Variants in SNED1 observed in about 807,000 individuals in gnomAD.
SNED1 encodes the protein sushi, nidogen and EGF-like domain-containing protein 1.
In SNED1, 81 loss-of-function variants were observed where a neutral mutation model predicts 166.7. The ratio of observed to expected loss-of-function variants is 0.49; its 90% CI spans 0.41 to 0.58. The LOEUF (loss-of-function observed/expected upper bound fraction) is 0.58, where lower values mean the gene tolerates loss of function less well. Among genes scored for constraint, SNED1 ranks in the 20% least tolerant of loss-of-function variants. The pLI is 0.00. For missense variants in SNED1, 1,604 were observed against 2,000.2 expected (o/e 0.80, Z 3.78); for synonymous variants, 762 against 822.0 (o/e 0.93, Z 1.25).
At chr2:241,035,001 C>G (rs909527983) in intron 4 of SNED1, among the ~76,000 whole-genome samples, 8 of 150,976 alleles carry the variant, frequency 5.3e-5, no homozygotes, top group African/African-American at 2.0e-4. Context: ...CCCGCACACA[C>G]ACTGCTGTGG....
intron 29 of SNED1, among the ~76,000 whole-genome samples, chr2:241,085,880 T>TC (rs1301198487): frequency 6.8e-5 from 10 of 146,266 alleles, no homozygotes; most frequent in African/African-American, 2.3e-4. Context: ...TTTTTTTTTT[T>TC]TTTTGAGACA....
intron 31 of SNED1, chr2:241,090,593 C>A: frequency 1.0e-6 from 1 of 972,570 alleles, no homozygotes; most frequent in Non-Finnish European, 1.4e-6. Context: ...CCAGCATCAC[C>A]ACAAACACAA....
At position 241,033,867 on chromosome 2, in the gene SNED1, G is replaced by A. The variant is rs543403516; in HGVS notation, c.634G>A (p.Ala212Thr). The change falls in exon 3 of 32, where the codon GCA (alanine) becomes ACA (threonine). Residue 212 changes from alanine (A) to threonine (T), a missense_variant. By Grantham distance (58) the Ala-to-Thr change is moderately conservative (BLOSUM62 0). Transcript: ENST00000310397. ...GGNATGLGGI[A>T]AQAGFNAGDG... Reference sequence around the variant, plus strand: ...CAACGCCACTGGCCTCGGGGGCATCGCAGCCCAGGTAGGCGAGTGCAGTCG... The same window carrying A: ...CAACGCCACTGGCCTCGGGGGCATCACAGCCCAGGTAGGCGAGTGCAGTCG... 25 of 1,601,884 alleles carry A rather than the reference G, an allele frequency of 1.6e-5. No individual in the cohort carries two copies. The highest frequency in any genetic ancestry group is 5.6e-5 in the South Asian group (5 of 88,810).
At chr2:241,040,651 T>A (rs2061498024) in intron 8 of SNED1, among the ~76,000 whole-genome samples, 1 of 152,182 alleles carries the variant, frequency 6.6e-6, no homozygotes. Context: ...TCCAGGGTGC[T>A]GTGTGAGGCT....
Position 241,065,600 on chromosome 2 carries a change from G to A in SNED1, c.3010+5G>A, listed in dbSNP as rs773549772. On this transcript the variant is annotated splice_donor_5th_base_variant and intron_variant, in intron 21 of 31. Coordinates refer to ENST00000310397, the MANE Select transcript of SNED1 (RefSeq NM_001080437.3). ...CCGTGCTGCTGGCCCGCACGCGTGA[G>A]TGTCCCCGAGCCTGGCCGTCCCTGC... 2.5e-6 allele frequency: 4 copies of A among 1,609,944 alleles called. No homozygotes were observed. The highest frequency in any genetic ancestry group is 3.4e-6 in the Non-Finnish European group (4 of 1,179,058).
chr2:241,084,690 A>G (rs1173714900), intron 29 of SNED1, among the ~76,000 whole-genome samples: 1 of 152,114 alleles, frequency 6.6e-6, no homozygotes. Flanking sequence ...TTTTGTATTT[A>G]TTGTACATCT....
At chr2:241,038,160 T>G (rs1313058040) in intron 6 of SNED1, among the ~76,000 whole-genome samples, 1 of 151,868 alleles carries the variant, frequency 6.6e-6, no homozygotes, top group African/African-American at 2.4e-5. Flanking sequence ...CACCGTGACC[T>G]GCTGCTCCCC....
chr2:241,079,142 G>A (rs1186917295), intron 27 of SNED1, among the ~76,000 whole-genome samples: 1 of 146,452 alleles, frequency 6.8e-6, no homozygotes, highest in Non-Finnish European at 1.5e-5. Context: ...GCCGGGCGCG[G>A]TGGCTCACAT....
At position 241,037,137 on chromosome 2, in the gene SNED1, CT is replaced by C. The variant is rs541443393; in HGVS notation, c.932-102del. The C allele has an allele frequency of 1.5e-5, 17 of 1,111,248 alleles. No individual in the cohort carries two copies. In the East Asian group the frequency reaches 4.4e-4, roughly 29 times the overall value. The allele number at this position is 1,111,248 out of a possible 1,614,324, so 68.8% of individuals were successfully genotyped here. ...CAGTTGCTGCCCTCTCTGAGCCAAT[CT>C]CGGGCTTGCTCCTCCTCCGTCCCCG... is the stretch of plus-strand genomic sequence containing the variant. On this transcript the variant is annotated intron_variant, in intron 5 of 31. Transcript: ENST00000310397.
At chr2:241,045,702 G>A (rs1380614461) in intron 8 of SNED1, among the ~76,000 whole-genome samples, 17 of 130,994 alleles carry the variant, frequency 1.3e-4, no homozygotes, top group Non-Finnish European at 2.0e-4. Context: ...ATTTTTAGAA[G>A]AAAACATAGG....
Position 241,018,030 on chromosome 2 carries a change from AGGT to A in SNED1, c.214-12248_214-12246del, listed in dbSNP as rs1162319043. Reference sequence around the variant, plus strand: ...GACCCCCTCAGTTCCAGGCAAACCAAGGTGGTGGGTACCTTGATCCCTTTCCCG... The same window carrying A: ...GACCCCCTCAGTTCCAGGCAAACCAAGGTGGGTACCTTGATCCCTTTCCCG... On this transcript the variant is annotated intron_variant, in intron 1 of 31. Transcript: ENST00000310397. The surrounding 1 kb of genome is among the most constrained non-coding windows in gnomAD (Gnocchi z 5.4). Among the ~76,000 whole-genome samples, 2 of 152,158 alleles carry A rather than the reference AGGT, an allele frequency of 1.3e-5. No individual in the cohort carries two copies. The highest frequency in any genetic ancestry group is 2.9e-5 in the Non-Finnish European group (2 of 68,016).
At chr2:241,042,021 A>G (rs983827116) in intron 8 of SNED1, among the ~76,000 whole-genome samples, 4 of 152,306 alleles carry the variant, frequency 2.6e-5, no homozygotes, top group African/African-American at 9.6e-5. Context: ...CAATTGCCCC[A>G]GATTCTGCCT....
rs2061875715 is a variant in SNED1, at chr2:241,052,485, GATCAAGCAGGGTACATGGGATACCA to G, written c.2083+18_2083+42del. ...GCCAGGCAGGTGAGAGGGTCAGGGGGATCAAGCAGGGTACATGGGATACCAGTGCCAGGCAGGTGAGATGGCCAGG... is the reference window on the plus strand; with the variant it reads ...GCCAGGCAGGTGAGAGGGTCAGGGGGGTGCCAGGCAGGTGAGATGGCCAGG... On this transcript the variant is annotated intron_variant, in intron 15 of 31. Transcript: ENST00000310397. The G allele has an allele frequency of 1.9e-6, 3 of 1,565,944 alleles. No homozygotes were observed. In the African/African-American group the frequency reaches 4.5e-5, roughly 23 times the overall value.
chr2:241,017,729 C>T (rs1285742741), intron 1 of SNED1, among the ~76,000 whole-genome samples: 1 of 152,236 alleles, frequency 6.6e-6, no homozygotes, highest in African/African-American at 2.4e-5. Context: ...CTGCCGTCCA[C>T]AGGAATCCCA....
chr2:241,009,215 AG>A (rs2060312403), intron 1 of SNED1, among the ~76,000 whole-genome samples: 1 of 152,144 alleles, frequency 6.6e-6, no homozygotes, highest in South Asian at 2.1e-4. Flanking sequence ...GGTGACTGTG[AG>A]GAGGCCCCTC....
Position 241,069,949 on chromosome 2 carries a change from G to A in SNED1, c.3337G>A (p.Ala1113Thr), listed in dbSNP as rs370723066. The change falls in exon 24 of 32, where the codon GCC becomes ACC. Residue 1113 changes from alanine (A) to threonine (T), a missense_variant. Physicochemically the swap from Ala to Thr is moderately conservative, Grantham distance 58. Transcript: ENST00000310397. The surrounding 1 kb of genome is among the most constrained non-coding windows in gnomAD (Gnocchi z 4.9). ...RPLPPANLTA[A>T]RVTATSAHVV... ...CCTGCCTCCAGCAAACCTGACCGCC[G>A]CCCGAGTCACTGCCACCTCTGCCCA... 6.6e-5 allele frequency: 107 copies of A among 1,612,774 alleles called. No individual in the cohort carries two copies. Among genetic ancestry groups the A allele is most frequent in the South Asian group, 4.8e-4 (44 of 91,082 alleles).
Position 241,069,612 on chromosome 2 carries a change from C to T in SNED1, c.3308-308C>T, listed in dbSNP as rs1239284405. 1.3e-5 allele frequency among the ~76,000 whole-genome samples: 2 copies of T among 152,190 alleles called. No homozygotes were observed. The highest frequency in any genetic ancestry group is 2.9e-5 in the Non-Finnish European group (2 of 68,018). ...AGGGGAGTCTGCACAGGGCTCCACGCAGCCAGGCTCAGGGGAACCGACTGT... is the reference window on the plus strand; with the variant it reads ...AGGGGAGTCTGCACAGGGCTCCACGTAGCCAGGCTCAGGGGAACCGACTGT... On this transcript the variant is annotated intron_variant, in intron 23 of 31. Transcript: ENST00000310397. The surrounding 1 kb of genome is among the most constrained non-coding windows in gnomAD (Gnocchi z 4.9).
intron 12 of SNED1, among the ~76,000 whole-genome samples, chr2:241,050,686 G>T (rs1238473715): frequency 6.6e-6 from 1 of 152,156 alleles, no homozygotes; most frequent in Non-Finnish European, 1.5e-5. Flanking sequence ...CAACTGCTTG[G>T]TTCTTTGCAA....
intron 1 of SNED1, among the ~76,000 whole-genome samples, chr2:241,002,154 G>A (rs1207506890): frequency 6.6e-6 from 1 of 152,130 alleles, no homozygotes; most frequent in African/African-American, 2.4e-5. Context: ...CCATCTGTGT[G>A]GTGAAGCTCC....
Sources: allele counts gnomAD v4.1 joint callset (sites outside exome capture counted in the v4.1 genomes callset), GRCh38; gene constraint gnomAD v4.1.1; non-coding constraint Gnocchi (gnomAD v3.1); transcripts MANE v1.5; gene names NCBI Gene and HGNC (gene_info 2026-07-23, HGNC 2026-07-21).